Variants in ABCC9 observed in about 807,000 individuals in gnomAD.
The protein encoded by ABCC9 is ATP binding cassette subfamily C member 9, also known as ATP-binding cassette sub-family C member 9.
Under a neutral mutation model 188.3 loss-of-function variants are expected in ABCC9, and 95 were observed. The observed-to-expected ratio is 0.50, with a 90% CI of 0.43 to 0.60. The LOEUF is 0.60. Ranked by LOEUF, ABCC9 falls within the 20% of genes least tolerant of loss-of-function variation. The pLI is 0.00. For synonymous variants in ABCC9, 659 were observed against 652.7 expected (o/e 1.01, Z -0.15); for missense variants, 1,102 against 1,876.3 (o/e 0.59, Z 7.62).
At chr12:21,827,762 T>A (rs1565708362) in intron 31 of ABCC9, among the ~76,000 whole-genome samples, 1 of 152,222 alleles carries the variant, frequency 6.6e-6, no homozygotes, top group Non-Finnish European at 1.5e-5. Context: ...AGGGAATTTA[T>A]CAGCAACCAG....
chr12:21,838,203 G>T, intron 29 of ABCC9, 33 bp from the exon 30 acceptor site: 1 of 1,387,446 alleles, frequency 7.2e-7, no homozygotes. Context: ...TAAACTTCAT[G>T]TGCATCCAGA....
intron 5 of ABCC9, among the ~76,000 whole-genome samples, chr12:21,919,700 G>T (rs1173815339): frequency 6.6e-6 from 1 of 151,866 alleles, no homozygotes; most frequent in African/African-American, 2.4e-5. Context: ...ATTTAAGAAA[G>T]AGATAAAATT....
At chr12:21,839,241 C>T (rs991533366) in intron 29 of ABCC9, among the ~76,000 whole-genome samples, 8 of 152,120 alleles carry the variant, frequency 5.3e-5, no homozygotes, top group African/African-American at 1.9e-4. Flanking sequence ...TCAGAAGAAG[C>T]CCTATTTGCT....
intron 4 of ABCC9, among the ~76,000 whole-genome samples, chr12:21,927,540 A>G (rs960230694): frequency 3.3e-5 from 5 of 152,188 alleles, no homozygotes; most frequent in Non-Finnish European, 5.9e-5. Flanking sequence ...ACATTAGGGT[A>G]TGAGGGTGAT....
intron 25 of ABCC9, among the ~76,000 whole-genome samples, chr12:21,847,584 T>C (rs1944742621): frequency 6.6e-6 from 1 of 152,180 alleles, no homozygotes. Context: ...GCAATGAATG[T>C]CAAAGCAGTG....
intron 21 of ABCC9, among the ~76,000 whole-genome samples, chr12:21,860,529 T>C (rs1251921091): frequency 6.6e-6 from 1 of 152,188 alleles, no homozygotes; most frequent in African/African-American, 2.4e-5. Flanking sequence ...GGTATAACTA[T>C]TTTTCAGCTT....
At chr12:21,908,016 T>C (rs1307521360) in intron 11 of ABCC9, 61 bp downstream of exon 11, 17 of 1,529,154 alleles carry the variant, frequency 1.1e-5, no homozygotes, top group Non-Finnish European at 1.5e-5. Context: ...ATTTCCTATA[T>C]TATAAAATTA....
chr12:21,856,772 CAG>C (rs1945248228), intron 22 of ABCC9, among the ~76,000 whole-genome samples: 1 of 151,902 alleles, frequency 6.6e-6, no homozygotes, highest in Non-Finnish European at 1.5e-5. Context: ...GAAAGGATAA[CAG>C]GGAGTGAGTG....
intron 14 of ABCC9, among the ~76,000 whole-genome samples, chr12:21,888,840 A>G (rs575302087): frequency 2.6e-5 from 4 of 152,158 alleles, no homozygotes; most frequent in Non-Finnish European, 5.9e-5. Context: ...ATAAAATAAT[A>G]TACAAAAGGA....
Position 21,842,577 on chromosome 12 carries a change from A to G in ABCC9, c.3316-106T>C, listed in dbSNP as rs1944449828. 4 of 1,118,530 alleles carry G rather than the reference A, an allele frequency of 3.6e-6. No homozygotes were observed. In the African/African-American group the frequency reaches 4.7e-5, roughly 13 times the overall value. The allele number at this position is 1,118,530 out of a possible 1,614,324, so 69.3% of individuals were successfully genotyped here. On this transcript the variant is annotated intron_variant, in intron 28 of 39. Coordinates refer to ENST00000261200, the MANE Select transcript of ABCC9 (RefSeq NM_020297.4). ...GTTGATAGTTACACAGTTAACTACCAAAGTAGTGTATAAGCATGTTCATCC... is the reference window on the plus strand; with the variant it reads ...GTTGATAGTTACACAGTTAACTACCGAAGTAGTGTATAAGCATGTTCATCC...
chr12:21,812,191 G>A, intron 35 of ABCC9, 34 bp from the exon 36 acceptor site: 1 of 1,342,400 alleles, frequency 7.4e-7, no homozygotes, highest in Non-Finnish European at 1.1e-6. Context: ...CACACACATA[G>A]TAAAATCACA....
At chr12:21,851,126 C>T (rs1944943105) in intron 24 of ABCC9, among the ~76,000 whole-genome samples, 1 of 151,930 alleles carries the variant, frequency 6.6e-6, no homozygotes, top group African/African-American at 2.4e-5. Flanking sequence ...TAAAGAAATT[C>T]ACTGGTACAA....
At chr12:21,926,591 T>C (rs1353558531) in intron 4 of ABCC9, among the ~76,000 whole-genome samples, 2 of 152,122 alleles carry the variant, frequency 1.3e-5, no homozygotes, top group Non-Finnish European at 2.9e-5. Flanking sequence ...AGGATACCAA[T>C]AGCAAATAGG....
At chr12:21,811,556 C>T (rs978760380) in intron 36 of ABCC9, among the ~76,000 whole-genome samples, 1 of 151,924 alleles carries the variant, frequency 6.6e-6, no homozygotes, top group African/African-American at 2.4e-5. Flanking sequence ...ATTTAAAGCA[C>T]CTAGCAGATG....
chr12:21,813,692 G>A (rs1356935645), intron 35 of ABCC9, among the ~76,000 whole-genome samples: 1 of 152,072 alleles, frequency 6.6e-6, no homozygotes, highest in South Asian at 2.1e-4. Context: ...ATTATTACTA[G>A]CCATGGAAAA....
chr12:21,920,698 T>C (rs781016103), intron 5 of ABCC9, among the ~76,000 whole-genome samples: 3 of 151,958 alleles, frequency 2.0e-5, no homozygotes, highest in Non-Finnish European at 4.4e-5. Flanking sequence ...AACATCCCCA[T>C]TTGCCTCTCC....
At chr12:21,933,657 T>G (rs1949372953) in intron 4 of ABCC9, 125 bp downstream of exon 4, 1 of 1,047,964 alleles carries the variant, frequency 9.5e-7, no homozygotes, top group Non-Finnish European at 1.4e-6. Context: ...CTGCAAGAGC[T>G]ACATGGATCA....
intron 20 of ABCC9, 152 bp downstream of exon 20, chr12:21,862,801 G>C: frequency 1.6e-6 from 1 of 627,990 alleles, no homozygotes. Flanking sequence ...TCAAAGAATT[G>C]ATTCAAAAGA....
intron 30 of ABCC9, among the ~76,000 whole-genome samples, chr12:21,835,208 C>T (rs1056546380): frequency 6.6e-6 from 1 of 152,166 alleles, no homozygotes; most frequent in Non-Finnish European, 1.5e-5. Context: ...GAGATATTAA[C>T]AGAAAGTAGT....
Sources: allele counts gnomAD v4.1 joint callset (sites outside exome capture counted in the v4.1 genomes callset), GRCh38; gene constraint gnomAD v4.1.1; transcripts MANE v1.5; gene names NCBI Gene and HGNC (gene_info 2026-07-23, HGNC 2026-07-21).